Variants in CSNK1E observed in about 807,000 individuals in gnomAD.
CSNK1E encodes casein kinase 1 epsilon, also known as casein kinase I isoform epsilon.
Under a neutral mutation model 46.1 loss-of-function variants are expected in CSNK1E, and 17 were observed. The ratio of observed to expected loss-of-function variants is 0.37; its 90% CI spans 0.25 to 0.55. CSNK1E has a LOEUF of 0.55. Among genes scored for constraint, CSNK1E ranks in the 20% least tolerant of loss-of-function variants. CSNK1E has a pLI of 0.82. For synonymous variants in CSNK1E, 241 were observed against 242.6 expected (o/e 0.99, Z 0.06); for missense variants, 386 against 595.4 (o/e 0.65, Z 3.66).
chr22:38,305,076 T>C (rs1251203277), intron 2 of CSNK1E, among the ~76,000 whole-genome samples: 2 of 147,138 alleles, frequency 1.4e-5, no homozygotes, highest in East Asian at 4.0e-4. Context: ...GAGCCGAGAT[T>C]GTGCCATTGC....
intron 2 of CSNK1E, among the ~76,000 whole-genome samples, chr22:38,312,375 G>A (rs1335029144): frequency 1.3e-5 from 2 of 152,232 alleles, no homozygotes; most frequent in Non-Finnish European, 2.9e-5. Flanking sequence ...ACAGGTGTGA[G>A]CCACCGCACC....
In CSNK1E at chr22:38,310,330, G is replaced by T. The variant is rs528769724; in HGVS notation, c.76+3752C>A. Among the ~76,000 whole-genome samples the T allele has an allele frequency of 3.9e-5, 6 of 152,264 alleles. 1 individual carries two copies. In the South Asian group the frequency reaches 1.0e-3, roughly 26 times the overall value. On this transcript the variant is annotated intron_variant, in intron 2 of 10. Transcript: ENST00000396832. ...CTTGGACTTGGCTGGCCCTAGAGGG[G>T]CTGGGAACTTGGCAAGTTCCAGGTG...
intron 1 of CSNK1E, among the ~76,000 whole-genome samples, chr22:38,315,096 G>A (rs1387807912): frequency 6.6e-6 from 1 of 152,194 alleles, no homozygotes; most frequent in African/African-American, 2.4e-5. Context: ...GGGTACTCAG[G>A]CTCACAGAGG....
At chr22:38,310,312 T>G (rs1246758664) in intron 2 of CSNK1E, among the ~76,000 whole-genome samples, 1 of 152,150 alleles carries the variant, frequency 6.6e-6, no homozygotes, top group Non-Finnish European at 1.5e-5. Flanking sequence ...GGGCTTGGAC[T>G]TGGCTGGCCC....
At chr22:38,293,593 C>T (rs2092623409) in intron 9 of CSNK1E, among the ~76,000 whole-genome samples, 1 of 152,096 alleles carries the variant, frequency 6.6e-6, no homozygotes, top group Non-Finnish European at 1.5e-5. Flanking sequence ...TCTCGCAGGA[C>T]TCCCTCCTCG....
rs2092681135 is a variant in CSNK1E, at chr22:38,303,014, GGGTCAA to G, written c.188-11_188-6del. 1 of 1,612,226 alleles carries G rather than the reference GGGTCAA, an allele frequency of 6.2e-7. No homozygotes were observed. The highest frequency in any genetic ancestry group is 8.5e-7 in the Non-Finnish European group (1 of 1,179,558). On this transcript the variant is annotated splice_region_variant and splice_polypyrimidine_tract_variant and intron_variant, in intron 3 of 10. Coordinates refer to ENST00000396832, the MANE Select transcript of CSNK1E (RefSeq NM_152221.3). The surrounding 1 kb of genome is among the most constrained non-coding windows in gnomAD (Gnocchi z 4.7). ...ACTTGATGGACGGGATCCCCACTGG[GGGTCAA>G]GCAGAGGGCCTCTGTCAGGGGTCAG...
rs1178199542 is a variant in CSNK1E, at chr22:38,298,732, C to T, written c.885+54G>A. The T allele has an allele frequency of 8.1e-6, 13 of 1,602,904 alleles. No individual in the cohort carries two copies. Among genetic ancestry groups the T allele is most frequent in the Non-Finnish European group, 1.1e-5 (13 of 1,172,018 alleles). ...ACCAGCTCACTCTGGCCCTCTGAGT[C>T]AGGGCCTTCCCCATCCAGTCCCCCA... On this transcript the variant is annotated intron_variant, in intron 7 of 10. Coordinates refer to ENST00000396832, the MANE Select transcript of CSNK1E (RefSeq NM_152221.3). The surrounding 1 kb of genome is among the most constrained non-coding windows in gnomAD (Gnocchi z 4.2).
At chr22:38,312,379 CCG>C (rs1224678440) in intron 2 of CSNK1E, among the ~76,000 whole-genome samples, 1 of 152,244 alleles carries the variant, frequency 6.6e-6, no homozygotes, top group Non-Finnish European at 1.5e-5. Flanking sequence ...GTGTGAGCCA[CCG>C]CACCTGGCCA....
chr22:38,298,154 T>C lies in CSNK1E; in HGVS notation c.885+632A>G. Reference sequence around the variant, plus strand: ...ACAGGGGCGGGGACAGAAAGGTCCCTTCGCTGTCATGGGGCTGTCACGGGG... The same window carrying C: ...ACAGGGGCGGGGACAGAAAGGTCCCCTCGCTGTCATGGGGCTGTCACGGGG... On this transcript the variant is annotated intron_variant, in intron 7 of 10. Transcript: ENST00000396832. This position sits in a 1 kb window ranked among gnomAD's most constrained non-coding sequence, Gnocchi z 4.2. 2 of 1,300,618 alleles carry C rather than the reference T, an allele frequency of 1.5e-6. No individual in the cohort carries two copies. Among genetic ancestry groups the C allele is most frequent in the Non-Finnish European group, 2.0e-6 (2 of 986,992 alleles). The allele number at this position is 1,300,618 out of a possible 1,614,324, so 80.6% of individuals were successfully genotyped here. A position where few individuals can be genotyped will look rare whatever the true frequency, so the allele number is the denominator to read the frequency against.
At chr22:38,297,929 G>T in intron 7 of CSNK1E, 1 of 1,113,628 alleles carries the variant, frequency 9.0e-7, no homozygotes, top group Middle Eastern at 4.1e-4. Context: ...AGTAGTTTTG[G>T]GGGGACAGCT....
intron 2 of CSNK1E, among the ~76,000 whole-genome samples, chr22:38,312,431 T>C (rs2092725048): frequency 1.3e-5 from 2 of 152,334 alleles, no homozygotes; most frequent in South Asian, 2.1e-4. Flanking sequence ...CTACTGTGCA[T>C]GTCTGTGCAT....
intron 7 of CSNK1E, chr22:38,296,564 G>C (rs1487041266): frequency 1.2e-6 from 2 of 1,612,446 alleles, no homozygotes; most frequent in African/African-American, 2.7e-5. Flanking sequence ...CATTGAGTCA[G>C]AGATTGGCAA....
Position 38,294,605 on chromosome 22 carries a change from G to A in CSNK1E, c.886-71C>T. 3 of 1,403,504 alleles carry A rather than the reference G, an allele frequency of 2.1e-6. No homozygotes were observed. The highest frequency in any genetic ancestry group is 1.9e-6 in the Non-Finnish European group (2 of 1,046,298). 86.9% of individuals were successfully genotyped at this position (1,403,504 alleles called of 1,614,324 possible). On this transcript the variant is annotated intron_variant, in intron 7 of 10. Transcript: ENST00000396832. The surrounding 1 kb of genome is among the most constrained non-coding windows in gnomAD (Gnocchi z 5.5). ...GTGCTCTGGGCCCAGCAGCCCTGCAGGGCACAGAAGGGGAGGGAGGCCAGG... is the reference window on the plus strand; with the variant it reads ...GTGCTCTGGGCCCAGCAGCCCTGCAAGGCACAGAAGGGGAGGGAGGCCAGG...
intron 2 of CSNK1E, among the ~76,000 whole-genome samples, chr22:38,311,098 C>T (rs1212641414): frequency 2.0e-5 from 3 of 152,164 alleles, no homozygotes; most frequent in Non-Finnish European, 2.9e-5. Context: ...CCAGACCCTT[C>T]GAAATCAACT....
chr22:38,296,160 T>C, intron 7 of CSNK1E: 1 of 998,302 alleles, frequency 1.0e-6, no homozygotes, highest in Non-Finnish European at 1.2e-6. Context: ...TGGGCGACTC[T>C]CCATGGTCCC....
rs748988647 is a variant in CSNK1E at position 38,299,933 on chromosome 22, ATCT to A, written c.695_697del (p.Lys232del). 5 of 1,614,156 alleles carry A rather than the reference ATCT, an allele frequency of 3.1e-6. No homozygotes were observed. Among genetic ancestry groups the A allele is most frequent in the Non-Finnish European group, 3.4e-6 (4 of 1,180,010 alleles). On this transcript the variant is annotated inframe_deletion, in exon 6 of 11. Coordinates refer to ENST00000396832, the MANE Select transcript of CSNK1E (RefSeq NM_152221.3). ...GCAGAGGACCTCGATGGGCGTTGAC[ATCT>A]TCTTCTCGCTGATCCGTTCATACTT...
At chr22:38,296,982 C>A (rs1352837995) in intron 7 of CSNK1E, 1 of 633,636 alleles carries the variant, frequency 1.6e-6, no homozygotes, top group Non-Finnish European at 2.9e-6. Context: ...CCATGTTGGC[C>A]AGGCTGGTCT....
intron 2 of CSNK1E, among the ~76,000 whole-genome samples, chr22:38,308,950 T>C (rs1484204804): frequency 1.3e-5 from 2 of 152,138 alleles, no homozygotes. Flanking sequence ...GCCTTCAGCC[T>C]GAGGCACCAA....
At chr22:38,304,028 C>A (rs2092687177) in intron 2 of CSNK1E, among the ~76,000 whole-genome samples, 1 of 152,184 alleles carries the variant, frequency 6.6e-6, no homozygotes, top group Admixed American at 6.5e-5. Flanking sequence ...CTGCCCAACT[C>A]AAGAAGTCAC....
Sources: allele counts gnomAD v4.1 joint callset (sites outside exome capture counted in the v4.1 genomes callset), GRCh38; gene constraint gnomAD v4.1.1; non-coding constraint Gnocchi (gnomAD v3.1); transcripts MANE v1.5; gene names NCBI Gene and HGNC (gene_info 2026-07-23, HGNC 2026-07-21).